The following RELA variants were observed in gnomAD, a reference collection of about 807,000 sequenced individuals.
RELA encodes transcription factor p65.
Under a neutral mutation model 56.7 loss-of-function variants are expected in RELA, and 14 were observed. That is an observed-to-expected ratio of 0.25 (90% CI 0.16 to 0.39). The LOEUF (loss-of-function observed/expected upper bound fraction) is 0.39, where lower values mean the gene tolerates loss of function less well. Ranked by LOEUF, RELA falls within the 10% of genes least tolerant of loss-of-function variation. RELA has a pLI of 1.00. For synonymous variants in RELA, 315 were observed against 289.7 expected (o/e 1.09, Z -0.89); for missense variants, 559 against 736.4 (o/e 0.76, Z 2.79).
At position 65,655,768 on chromosome 11, in the gene RELA, G is replaced by A; in HGVS notation, c.959-6C>T. The stretch of plus-strand genomic sequence containing the variant: ...AGGCCGGGGGTCGGTGGGTCCTGTA[G>A]GGCAAGGGCTAGGTCAGTTCTCAGC... On this transcript the variant is annotated splice_polypyrimidine_tract_variant and splice_region_variant and intron_variant, in intron 9 of 10. Coordinates refer to ENST00000406246, the MANE Select transcript of RELA (RefSeq NM_021975.4). The A allele has an allele frequency of 6.2e-7, 1 of 1,613,870 alleles. No individual in the cohort carries two copies. The highest frequency in any genetic ancestry group is 8.5e-7 in the Non-Finnish European group (1 of 1,179,926).
chr11:65,654,067 C>T lies in RELA; in HGVS notation c.*311G>A. ...TCTGTCTCTAGGAGAGTACCAGAAG[C>T]TGGAGGATGGGGATGGGGGACCCCA... On this transcript the variant is annotated 3_prime_UTR_variant, in exon 11 of 11. Transcript: ENST00000406246. 1 of 428,972 alleles carries T rather than the reference C, an allele frequency of 2.3e-6. No homozygotes were observed. Among genetic ancestry groups the T allele is most frequent in the Non-Finnish European group, 4.3e-6 (1 of 231,638 alleles). The allele number at this position is 428,972 out of a possible 1,614,324, so 26.6% of individuals were successfully genotyped here. A position where few individuals can be genotyped will look rare whatever the true frequency, so the allele number is the denominator to read the frequency against.
chr11:65,661,672 C>T lies in RELA; in HGVS notation c.335+15G>A. Reference sequence around the variant, plus strand: ...GTCCCCTCATGCTGGGCCTCCTAGCCTGCAGGGACCTCACCTGTGGATGCA... The same window carrying T: ...GTCCCCTCATGCTGGGCCTCCTAGCTTGCAGGGACCTCACCTGTGGATGCA... On this transcript the variant is annotated intron_variant, in intron 4 of 10. Coordinates refer to ENST00000406246, the MANE Select transcript of RELA (RefSeq NM_021975.4). 6.4e-7 allele frequency: 1 copy of T among 1,563,998 alleles called. No individual in the cohort carries two copies. Among genetic ancestry groups the T allele is most frequent in the Non-Finnish European group, 8.7e-7 (1 of 1,151,504 alleles).
intron 4 of RELA, 28 bp from the exon 5 acceptor site, chr11:65,660,243 T>C: frequency 6.2e-7 from 1 of 1,609,420 alleles, no homozygotes; most frequent in African/African-American, 1.3e-5. Flanking sequence ...TCTGTCCCAC[T>C]GTCTCTCACA....
In RELA at chr11:65,658,426, T is replaced by C; in HGVS notation, c.738A>G (p.Arg246=). 1 of 1,613,582 alleles carries C rather than the reference T, an allele frequency of 6.2e-7. No individual in the cohort carries two copies. The highest frequency in any genetic ancestry group is 8.5e-7 in the Non-Finnish European group (1 of 1,179,634). ...GGGTCCGGAACACAATGGCCACTTGTCGGTGCACATCAGCTTGCGAAAAGG... is the reference window on the plus strand; with the variant it reads ...GGGTCCGGAACACAATGGCCACTTGCCGGTGCACATCAGCTTGCGAAAAGG... ...RGSFSQADVH[R]QVAIVFRTPP... is the part of the protein sequence containing the mutation. Residue 246 remains arginine (R), a synonymous_variant, in exon 8 of 11, where the codon CGA becomes CGG. Transcript: ENST00000406246. This position sits in a 1 kb window ranked among gnomAD's most constrained non-coding sequence, Gnocchi z 4.5.
Position 65,654,831 on chromosome 11 carries a change from T to G in RELA, c.1203A>C (p.Ser401=), listed in dbSNP as rs1433500889. The G allele has an allele frequency of 6.5e-7, 1 of 1,550,012 alleles. No individual in the cohort carries two copies. The change falls in exon 11 of 11, where the codon TCA becomes TCC. Residue 401 remains serine, a synonymous_variant. Transcript: ENST00000406246. ...CAGGGGCTGGGGCCTGGGCCAGAGC[T>G]GATACCATGGCTGGAGCAGGGGCAG... is the stretch of plus-strand genomic sequence containing the variant. ...PAPAPAPAMV[S]ALAQAPAPVP...
At position 65,659,652 on chromosome 11, in the gene RELA, C is replaced by T. The variant is rs1209204340; in HGVS notation, c.559+14G>A. On this transcript the variant is annotated intron_variant, in intron 6 of 10. Coordinates refer to ENST00000406246, the MANE Select transcript of RELA (RefSeq NM_021975.4). ...CCCACCCTCTCCCCTTCCTGCGTCT[C>T]CCTCGCTACTCACGATTGTCAAAGA... The T allele has an allele frequency of 3.1e-6, 5 of 1,613,208 alleles. No homozygotes were observed. The highest frequency in any genetic ancestry group is 4.2e-6 in the Non-Finnish European group (5 of 1,179,970).
Position 65,661,963 on chromosome 11 carries a change from T to A in RELA, c.160A>T (p.Thr54Ser). The A allele has an allele frequency of 2.5e-6, 4 of 1,613,888 alleles. No individual in the cohort carries two copies. The highest frequency in any genetic ancestry group is 3.4e-6 in the Non-Finnish European group (4 of 1,179,936). The change falls in exon 3 of 11, where the codon ACC (threonine) becomes TCC (serine). Residue 54 changes from threonine (T) to serine (S), a missense_variant. Around this residue, in one of 4 missense-constraint regions of RELA, gnomAD observed 24 missense variants for 75.5 expected, o/e 0.32. Coordinates refer to ENST00000406246, the MANE Select transcript of RELA (RefSeq NM_021975.4). ...GSIPGERSTD[T>S]TKTHPTIKIN... ...TTGATGGTGGGGTGGGTCTTGGTGG[T>A]ATCTGTGCTCCTCTCGCCTGGGATG...
chr11:65,654,969 C>G lies in RELA; in HGVS notation c.1065G>C (p.Leu355=). The G allele has an allele frequency of 1.2e-6, 2 of 1,604,356 alleles. No individual in the cohort carries two copies. Among genetic ancestry groups the G allele is most frequent in the Non-Finnish European group, 1.7e-6 (2 of 1,176,194 alleles). The change falls in exon 11 of 11, where the codon CTG becomes CTC. Residue 355 remains leucine, a synonymous_variant. Coordinates refer to ENST00000406246, the MANE Select transcript of RELA (RefSeq NM_021975.4). ...GAAACTCATCATAGTTGATGGTGCT[C>G]AGGGATGACGTAAAGGGATAGGGCT... ...APQPYPFTSS[L]STINYDEFPT...
At chr11:65,662,918 C>A, upstream of RELA, 2 of 1,085,912 alleles carry the variant, frequency 1.8e-6, no homozygotes, top group Non-Finnish European at 2.3e-6. Flanking sequence ...GGCGGAAATG[C>A]GCCGCGCGGC....
intron 1 of RELA, 54 bp from the exon 2 acceptor site, chr11:65,662,259 G>A (rs1856590465): frequency 1.3e-6 from 2 of 1,485,924 alleles, no homozygotes; most frequent in Non-Finnish European, 1.8e-6. Context: ...ATTCTCACAA[G>A]GAGGAATCTG....
chr11:65,659,872 T>G, intron 5 of RELA, 75 bp from the exon 6 acceptor site: 2 of 1,527,784 alleles, frequency 1.3e-6, no homozygotes, highest in Non-Finnish European at 8.8e-7. Flanking sequence ...CAGGGAGCTC[T>G]GCGCTGGGAG....
rs777270136 is a variant in RELA, at chr11:65,658,258, G to A, written c.877+29C>T. On this transcript the variant is annotated intron_variant, in intron 8 of 10. Coordinates refer to ENST00000406246, the MANE Select transcript of RELA (RefSeq NM_021975.4). The surrounding 1 kb of genome is among the most constrained non-coding windows in gnomAD (Gnocchi z 4.5). Reference sequence around the variant, plus strand: ...CTCTCTCACGGCACAGAGCCCAGCTGCCCTGATGCTGCCACCCCAGCTGTG... The same window carrying A: ...CTCTCTCACGGCACAGAGCCCAGCTACCCTGATGCTGCCACCCCAGCTGTG... 2.0e-5 allele frequency: 30 copies of A among 1,526,528 alleles called. No homozygotes were observed. Among genetic ancestry groups the A allele is most frequent in the South Asian group, 3.6e-5 (3 of 83,870 alleles). The allele number at this position is 1,526,528 out of a possible 1,614,324, so 94.6% of individuals were successfully genotyped here.
chr11:65,658,841 G>T lies in RELA; in HGVS notation c.560-19C>A. 1 of 1,610,668 alleles carries T rather than the reference G, an allele frequency of 6.2e-7. No individual in the cohort carries two copies. The highest frequency in any genetic ancestry group is 1.1e-5 in the South Asian group (1 of 90,988). ...GGGGCACCTGAGGCAGTGAAAACAA[G>T]GGAGGATGACCTGAGCCACGAGAGG... On this transcript the variant is annotated intron_variant, in intron 6 of 10. Coordinates refer to ENST00000406246, the MANE Select transcript of RELA (RefSeq NM_021975.4). This position sits in a 1 kb window ranked among gnomAD's most constrained non-coding sequence, Gnocchi z 4.5.
intron 8 of RELA, among the ~76,000 whole-genome samples, chr11:65,656,880 C>T (rs980852135): frequency 1.3e-5 from 2 of 152,112 alleles, no homozygotes; most frequent in South Asian, 4.1e-4. Context: ...AAAAAATTAG[C>T]CGGATGTGGT....
Position 65,658,873 on chromosome 11 carries a change from G to A in RELA, c.560-51C>T. 6.7e-7 allele frequency: 1 copy of A among 1,503,274 alleles called. No individual in the cohort carries two copies. Among genetic ancestry groups the A allele is most frequent in the South Asian group, 1.1e-5 (1 of 88,850 alleles). The allele number at this position is 1,503,274 out of a possible 1,614,324, so 93.1% of individuals were successfully genotyped here. A position where few individuals can be genotyped will look rare whatever the true frequency, so the allele number is the denominator to read the frequency against. ...TGACCTGAGCCACGAGAGGTCCCCA[G>A]GGTGGCCTGCAGGAGATGCAACTTC... On this transcript the variant is annotated intron_variant, in intron 6 of 10. Coordinates refer to ENST00000406246, the MANE Select transcript of RELA (RefSeq NM_021975.4). The surrounding 1 kb of genome is among the most constrained non-coding windows in gnomAD (Gnocchi z 4.5).
chr11:65,661,725 G>A lies in RELA; in HGVS notation c.297C>T (p.Phe99=). The A allele has an allele frequency of 6.2e-7, 1 of 1,612,082 alleles. No homozygotes were observed. ...ELVGKDCRDG[F]YEAELCPDRC... is the part of the protein sequence containing the mutation. ...GGTCCGGGCAGAGCTCAGCCTCATAGAAGCCATCCCGGCAGTCCTTTCCTA... is the reference window on the plus strand; with the variant it reads ...GGTCCGGGCAGAGCTCAGCCTCATAAAAGCCATCCCGGCAGTCCTTTCCTA... The change falls in exon 4 of 11, where the codon TTC becomes TTT. Residue 99 remains phenylalanine (F), a synonymous_variant. Transcript: ENST00000406246.
Position 65,658,849 on chromosome 11 carries a change from G to A in RELA, c.560-27C>T, listed in dbSNP as rs973383947. 6.3e-6 allele frequency: 10 copies of A among 1,598,650 alleles called. No individual in the cohort carries two copies. In the African/African-American group the frequency reaches 1.2e-4, roughly 19 times the overall value. On this transcript the variant is annotated intron_variant, in intron 6 of 10. Transcript: ENST00000406246. The surrounding 1 kb of genome is among the most constrained non-coding windows in gnomAD (Gnocchi z 4.5). ...TGAGGCAGTGAAAACAAGGGAGGAT[G>A]ACCTGAGCCACGAGAGGTCCCCAGG...
At chr11:65,662,413 T>C (rs1856595001) in intron 1 of RELA, 3 of 574,650 alleles carry the variant, frequency 5.2e-6, no homozygotes, top group South Asian at 3.0e-5. Context: ...AAGGAATCCT[T>C]CTTCTCCAGA....
At chr11:65,663,650 T>G (rs1565194019), upstream of RELA, among the ~76,000 whole-genome samples, 1 of 152,130 alleles carries the variant, frequency 6.6e-6, no homozygotes, top group Non-Finnish European at 1.5e-5. Flanking sequence ...TCCCGGAGCC[T>G]CGTCTCTGAA....
Sources: gnomAD v4.1 joint callset for allele counts (sites outside exome capture counted in the v4.1 genomes callset) on GRCh38, gnomAD v4.1.1 for gene constraint, gnomAD v4.1.1 regional missense constraint, Gnocchi (gnomAD v3.1) non-coding constraint, MANE v1.5 for transcripts, NCBI Gene and HGNC (gene_info 2026-07-23, HGNC 2026-07-21) for gene names.